PRKCD: variants seen among roughly 807,000 people sequenced by gnomAD.
The protein encoded by PRKCD is protein kinase C delta type.
Under a neutral mutation model 82.2 loss-of-function variants are expected in PRKCD, and 20 were observed. That is an observed-to-expected ratio of 0.24 (90% CI 0.17 to 0.35). The LOEUF is 0.35. Among genes scored for constraint, PRKCD ranks in the 10% least tolerant of loss-of-function variants. The probability of loss-of-function intolerance (pLI) is 1.00; values close to 1 mark genes in which losing one functional copy is unlikely to be tolerated. For missense variants in PRKCD, 607 were observed against 899.0 expected (o/e 0.68, Z 4.15); for synonymous variants, 317 against 337.0 (o/e 0.94, Z 0.65).
At chr3:53,179,485 C>T (rs782562404) in intron 3 of PRKCD, 92 bp from the exon 4 acceptor site, 37 of 1,523,958 alleles carry the variant, frequency 2.4e-5, no homozygotes, top group East Asian at 6.8e-5. Flanking sequence ...GCAGGAGAGT[C>T]GGGCAGATTC....
chr3:53,192,318 C>T lies in PRKCD; in HGVS notation c.*52C>T. The T allele has an allele frequency of 1.9e-6, 3 of 1,592,064 alleles. No homozygotes were observed. Among genetic ancestry groups the T allele is most frequent in the Non-Finnish European group, 2.6e-6 (3 of 1,161,814 alleles). ...TGCCCTCCACCCACACCTGCCCGCTCCCCACGATAAGCACCAGTGGGACTG... is the reference window on the plus strand; with the variant it reads ...TGCCCTCCACCCACACCTGCCCGCTTCCCACGATAAGCACCAGTGGGACTG... On this transcript the variant is annotated 3_prime_UTR_variant, in exon 19 of 19. Transcript: ENST00000330452.
chr3:53,186,285 C>A lies in PRKCD; in HGVS notation c.1205C>A (p.Thr402Lys). 6.2e-7 allele frequency: 1 copy of A among 1,614,196 alleles called. No individual in the cohort carries two copies. The highest frequency in any genetic ancestry group is 8.5e-7 in the Non-Finnish European group (1 of 1,180,020). The change falls in exon 13 of 19, where the codon ACA (threonine) becomes AAA (lysine). Residue 402 changes from threonine (T) to lysine (K), a missense_variant. This residue lies in a region of PRKCD where 251 missense variants were observed against 423.9 expected (regional missense o/e 0.59). Transcript: ENST00000330452. ...ECTMVEKRVL[T>K]LAAENPFLTH... ...ACCATGGTTGAGAAGCGGGTGCTGA[C>A]ACTTGCCGCAGAGAATCCCTTTCTC...
chr3:53,188,187 CAAAAAAAA>C (rs557772373), intron 15 of PRKCD, among the ~76,000 whole-genome samples: 635 of 45,574 alleles, frequency 0.014, 12 homozygotes, highest in African/African-American at 0.043. Flanking sequence ...GACTGTGTCT[CAAAAAAAA>C]AAAAAAAAAA....
chr3:53,162,421 G>A (rs1171544577), intron 1 of PRKCD, among the ~76,000 whole-genome samples: 1 of 152,214 alleles, frequency 6.6e-6, no homozygotes, highest in Non-Finnish European at 1.5e-5. Context: ...TGCTGTGAGT[G>A]GGCGGGGGGT....
intron 2 of PRKCD, among the ~76,000 whole-genome samples, chr3:53,167,851 C>G (rs1702883180): frequency 6.6e-6 from 1 of 152,232 alleles, no homozygotes; most frequent in Non-Finnish European, 1.5e-5. Context: ...CCCCTCAATT[C>G]TACCTCCAGT....
intron 5 of PRKCD, 30 bp from the exon 6 acceptor site, chr3:53,181,414 G>C: frequency 6.2e-7 from 1 of 1,613,880 alleles, no homozygotes; most frequent in Non-Finnish European, 8.5e-7. Context: ...CCAGATACCA[G>C]GGCTGACTTC....
At position 53,186,290 on chromosome 3, in the gene PRKCD, G is replaced by A; in HGVS notation, c.1210G>A (p.Ala404Thr). 1.9e-6 allele frequency: 3 copies of A among 1,614,176 alleles called. No homozygotes were observed. Among genetic ancestry groups the A allele is most frequent in the Non-Finnish European group, 2.5e-6 (3 of 1,180,016 alleles). ...TMVEKRVLTL[A>T]AENPFLTHLI... ...GGTTGAGAAGCGGGTGCTGACACTT[G>A]CCGCAGAGAATCCCTTTCTCACCCA... Residue 404 changes from alanine (A) to threonine (T), a missense_variant, in exon 13 of 19, where the codon GCC (alanine) becomes ACC (threonine). Ala to Thr is a moderately conservative substitution (Grantham distance 58, BLOSUM62 0). Around this residue, in one of 5 missense-constraint regions of PRKCD, gnomAD observed 251 missense variants for 423.9 expected, o/e 0.59. Transcript: ENST00000330452.
At chr3:53,190,886 GCTGCAAGAAAATCACACAGC>G (rs147723182) in intron 18 of PRKCD, among the ~76,000 whole-genome samples, 29,240 of 152,096 alleles carry the variant, frequency 0.19, 3,253 homozygotes, top group Middle Eastern at 0.3. Flanking sequence ...GGCTAGGCCA[GCTGCAAGAAAATCACACAGC>G]CTGCTTTCAG....
At chr3:53,183,363 G>C in intron 8 of PRKCD, 89 bp from the exon 9 acceptor site, 1 of 1,589,334 alleles carries the variant, frequency 6.3e-7, no homozygotes. Context: ...TTGGGATGTT[G>C]TTGTGCCCAG....
At position 53,181,461 on chromosome 3, in the gene PRKCD, C is replaced by T. The variant is rs375221270; in HGVS notation, c.394C>T (p.Arg132Cys). The change falls in exon 6 of 19, where the codon CGC (arginine) becomes TGC (cysteine). Residue 132 changes from arginine to cysteine, a missense_variant. Coordinates refer to ENST00000330452, the MANE Select transcript of PRKCD (RefSeq NM_006254.4). Reference protein sequence around the residue: ...LEDVDCKQSMRSEDEAKFPTM... With the variant: ...LEDVDCKQSMCSEDEAKFPTM... Reference sequence around the variant, plus strand: ...GTCACCAGATTGCAAACAGTCTATGCGCAGTGAGGACGAGGCCAAGTTCCC... The same window carrying T: ...GTCACCAGATTGCAAACAGTCTATGTGCAGTGAGGACGAGGCCAAGTTCCC... 68 of 1,614,140 alleles carry T rather than the reference C, an allele frequency of 4.2e-5. No homozygotes were observed. The South Asian group carries it at 5.7e-4, about 14-fold the overall frequency.
At chr3:53,167,900 G>A (rs1230702307) in intron 2 of PRKCD, among the ~76,000 whole-genome samples, 2 of 152,220 alleles carry the variant, frequency 1.3e-5, no homozygotes, top group Non-Finnish European at 2.9e-5. Context: ...CATGCCCTCC[G>A]AGGAGAGGAG....
chr3:53,179,816 GTGTC>G (rs1376270590), intron 4 of PRKCD, 40 bp downstream of exon 4: 44 of 1,547,630 alleles, frequency 2.8e-5, no homozygotes, highest in Admixed American at 1.2e-4. Context: ...GTGTGTGTGT[GTGTC>G]TGTGTGTGTG....
At chr3:53,178,233 TG>T (rs1327105444) in intron 2 of PRKCD, among the ~76,000 whole-genome samples, 170 bp from the exon 3 acceptor site, 1 of 152,208 alleles carries the variant, frequency 6.6e-6, no homozygotes, top group African/African-American at 2.4e-5. Flanking sequence ...CCACTGCGCC[TG>T]GCAAACCTCT....
At chr3:53,183,257 G>A (rs1703523627) in intron 8 of PRKCD, 51 bp downstream of exon 8, 1 of 1,599,114 alleles carries the variant, frequency 6.3e-7, no homozygotes, top group Non-Finnish European at 8.6e-7. Context: ...TTGGCCAGAT[G>A]GGAGGGATTT....
chr3:53,178,748 T>A (rs1424624065), intron 3 of PRKCD, among the ~76,000 whole-genome samples: 4 of 152,260 alleles, frequency 2.6e-5, no homozygotes, highest in Non-Finnish European at 5.9e-5. Context: ...CTTGGAAGGC[T>A]TGGAGTTTCT....
At chr3:53,167,408 G>A (rs782265183) in intron 2 of PRKCD, among the ~76,000 whole-genome samples, 8 of 152,176 alleles carry the variant, frequency 5.3e-5, no homozygotes, top group South Asian at 2.1e-4. Flanking sequence ...CCTGTAAGCC[G>A]AGGCTCAAGA....
intron 2 of PRKCD, among the ~76,000 whole-genome samples, chr3:53,167,999 C>T (rs1385873665): frequency 1.3e-5 from 2 of 152,272 alleles, no homozygotes; most frequent in African/African-American, 4.8e-5. Flanking sequence ...GAAAATAGAT[C>T]TCGTGACAAA....
chr3:53,172,035 TG>T (rs1174421352), intron 2 of PRKCD, among the ~76,000 whole-genome samples: 1 of 151,724 alleles, frequency 6.6e-6, no homozygotes, highest in Non-Finnish European at 1.5e-5. Context: ...GAGCGCTGGC[TG>T]GGGGATGAGG....
intron 2 of PRKCD, among the ~76,000 whole-genome samples, chr3:53,172,024 G>A (rs2107235361): frequency 6.6e-6 from 1 of 152,136 alleles, no homozygotes; most frequent in East Asian, 1.9e-4. Context: ...GGGCCCAGGA[G>A]GAGCGCTGGC....
Sources: allele counts gnomAD v4.1 joint callset (sites outside exome capture counted in the v4.1 genomes callset), GRCh38; gene constraint gnomAD v4.1.1; regional missense constraint gnomAD v4.1.1; transcripts MANE v1.5; gene names NCBI Gene and HGNC (gene_info 2026-07-23, HGNC 2026-07-21).